PARP8: variants seen among roughly 807,000 people sequenced by gnomAD.
PARP8 encodes protein mono-ADP-ribosyltransferase PARP8.
PARP8 carries 51 observed loss-of-function variants against 124.1 expected under a neutral mutation model. The ratio of observed to expected loss-of-function variants is 0.41; its 90% confidence interval spans 0.33 to 0.52. PARP8 has a LOEUF of 0.52. PARP8 is among the 20% of genes least tolerant of loss of function. The pLI, the probability that PARP8 is intolerant of heterozygous loss-of-function variation, is 0.21. For synonymous variants in PARP8, 391 were observed against 361.5 expected (o/e 1.08, Z -0.93); for missense variants, 860 against 1,018.9 (o/e 0.84, Z 2.12).
chr5:50,746,184 A>G (rs1214750415), intron 2 of PARP8, among the ~76,000 whole-genome samples: 1 of 152,160 alleles, frequency 6.6e-6, no homozygotes, highest in African/African-American at 2.4e-5. Flanking sequence ...ATGCTTCATA[A>G]TCTCTGATTC....
chr5:50,759,478 A>C (rs1760315711), intron 3 of PARP8, among the ~76,000 whole-genome samples, 165 bp from the exon 4 acceptor site: 1 of 152,208 alleles, frequency 6.6e-6, no homozygotes, highest in Admixed American at 6.5e-5. Context: ...TCACACATAA[A>C]TCTGCAATTT....
At chr5:50,681,979 A>G (rs919668357) in intron 2 of PARP8, among the ~76,000 whole-genome samples, 1 of 152,148 alleles carries the variant, frequency 6.6e-6, no homozygotes, top group Non-Finnish European at 1.5e-5. Flanking sequence ...ATCCAAAATA[A>G]GATATATTTT....
intron 14 of PARP8, among the ~76,000 whole-genome samples, chr5:50,806,189 TG>T (rs1230052645): frequency 6.6e-6 from 1 of 152,086 alleles, no homozygotes; most frequent in Non-Finnish European, 1.5e-5. Context: ...TCTCACTTTA[TG>T]GTGAGAAAAA....
intron 21 of PARP8, 93 bp from the exon 22 acceptor site, chr5:50,829,799 T>C: frequency 8.2e-7 from 1 of 1,226,438 alleles, no homozygotes; most frequent in Non-Finnish European, 1.1e-6. Flanking sequence ...TTTGTAAGAC[T>C]GAATGTTCTG....
intron 14 of PARP8, among the ~76,000 whole-genome samples, chr5:50,812,436 G>T (rs1487063586): frequency 1.3e-5 from 2 of 152,076 alleles, no homozygotes; most frequent in Admixed American, 1.3e-4. Flanking sequence ...TTTTTGTTGG[G>T]GTTGTTTGAT....
chr5:50,821,953 C>G (rs1405793306), intron 16 of PARP8, among the ~76,000 whole-genome samples: 1 of 152,156 alleles, frequency 6.6e-6, no homozygotes, highest in Non-Finnish European at 1.5e-5. Flanking sequence ...ATATTCAACT[C>G]AAAATAAAAT....
At chr5:50,682,323 A>G (rs1303546708) in intron 2 of PARP8, among the ~76,000 whole-genome samples, 1 of 152,140 alleles carries the variant, frequency 6.6e-6, no homozygotes, top group Non-Finnish European at 1.5e-5. Context: ...TTGCTTGTAA[A>G]TTGTTCATTT....
At chr5:50,756,276 G>A (rs1382007445) in intron 3 of PARP8, among the ~76,000 whole-genome samples, 3 of 151,834 alleles carry the variant, frequency 2.0e-5, no homozygotes, top group Admixed American at 6.6e-5. Context: ...CAAAGGGAAT[G>A]CTTCCAGTTT....
At chr5:50,815,372 T>G (rs780159677) in intron 14 of PARP8, 60 bp from the exon 15 acceptor site, 158 of 1,224,100 alleles carry the variant, frequency 1.3e-4, no homozygotes, top group Non-Finnish European at 1.7e-4. Flanking sequence ...TGTTGTGAAT[T>G]TAATTTTGAT....
chr5:50,794,228 A>G lies in PARP8; in HGVS notation c.759A>G (p.Thr253=), dbSNP rs1742271310. Residue 253 remains threonine (T), a synonymous_variant, in exon 11 of 26, where the codon ACA becomes ACG. Transcript: ENST00000281631. ...ACAGAATCATGCAGACATTTGTTAC[A>G]CAGCAGTGGAAACAGAGCAAAGAAA... is the stretch of plus-strand genomic sequence containing the variant. ...QLKKIMQTFV[T]QQWKQSKEKS... The G allele has an allele frequency of 6.2e-7, 1 of 1,612,796 alleles. No homozygotes were observed. The highest frequency in any genetic ancestry group is 2.2e-5 in the East Asian group (1 of 44,742).
chr5:50,805,285 A>T (rs1381577225), intron 14 of PARP8, among the ~76,000 whole-genome samples: 1 of 152,128 alleles, frequency 6.6e-6, no homozygotes, highest in South Asian at 2.1e-4. Flanking sequence ...GCTAATATCT[A>T]TCATAGTTAA....
chr5:50,674,892 A>C (rs2149436727), intron 2 of PARP8, among the ~76,000 whole-genome samples: 1 of 152,364 alleles, frequency 6.6e-6, no homozygotes, highest in Middle Eastern at 3.4e-3. Flanking sequence ...ATAGAGTGAG[A>C]ATATGAGTAG....
intron 7 of PARP8, among the ~76,000 whole-genome samples, chr5:50,774,102 G>C (rs893258104): frequency 2.2e-4 from 33 of 152,242 alleles, no homozygotes; most frequent in African/African-American, 7.9e-4. Flanking sequence ...TGCCCTTAAT[G>C]CATTTAACCC....
intron 3 of PARP8, among the ~76,000 whole-genome samples, chr5:50,754,536 G>A (rs1162442507): frequency 6.6e-6 from 1 of 152,028 alleles, no homozygotes; most frequent in East Asian, 1.9e-4. Flanking sequence ...TGGCTGCATG[G>A]TATTCCATGG....
At chr5:50,765,748 A>G (rs1331714010) in intron 7 of PARP8, among the ~76,000 whole-genome samples, 1 of 152,198 alleles carries the variant, frequency 6.6e-6, no homozygotes, top group Non-Finnish European at 1.5e-5. Context: ...AGTTTGATTT[A>G]CTTAAATGGG....
At chr5:50,682,184 T>A (rs1202393485) in intron 2 of PARP8, among the ~76,000 whole-genome samples, 1 of 152,136 alleles carries the variant, frequency 6.6e-6, no homozygotes, top group Non-Finnish European at 1.5e-5. Flanking sequence ...GCTGTGCCAT[T>A]GGAAACTTGT....
In PARP8 at chr5:50,841,951, T is replaced by C. The variant is rs1232239260; in HGVS notation, c.2463-15T>C. 5 of 1,517,684 alleles carry C rather than the reference T, an allele frequency of 3.3e-6. No individual in the cohort carries two copies. In the African/African-American group the frequency reaches 7.0e-5, roughly 21 times the overall value. The allele number at this position is 1,517,684 out of a possible 1,614,324, so 94.0% of individuals were successfully genotyped here. A position where few individuals can be genotyped will look rare whatever the true frequency, so the allele number is the denominator to read the frequency against. On this transcript the variant is annotated splice_polypyrimidine_tract_variant and intron_variant, in intron 25 of 25. Transcript: ENST00000281631. ...CTTTTAAAATGTTTTTATATTTTTA[T>C]GTTTTGTATTTCAGCTATGAAGACG... is the stretch of plus-strand genomic sequence containing the variant.
chr5:50,730,701 T>C (rs1756892376), intron 2 of PARP8, among the ~76,000 whole-genome samples: 1 of 152,230 alleles, frequency 6.6e-6, no homozygotes, highest in East Asian at 1.9e-4. Context: ...AGTACATTAG[T>C]TGATGGAATA....
At chr5:50,840,497 G>A (rs866212048) in intron 25 of PARP8, among the ~76,000 whole-genome samples, 1 of 151,824 alleles carries the variant, frequency 6.6e-6, no homozygotes, top group African/African-American at 2.4e-5. Flanking sequence ...ATAAAAAATA[G>A]CAGTCCTAGG....
Sources: gnomAD v4.1 joint callset for allele counts (sites outside exome capture counted in the v4.1 genomes callset) on GRCh38, gnomAD v4.1.1 for gene constraint, MANE v1.5 for transcripts, NCBI Gene and HGNC (gene_info 2026-07-23, HGNC 2026-07-21) for gene names.